CHD9: variants seen among roughly 807,000 people sequenced by gnomAD.
CHD9 encodes chromodomain helicase DNA binding protein 9, also known as ATP-dependent chromatin remodeler CHD9.
CHD9 carries 77 observed loss-of-function variants against 316.1 expected under a neutral mutation model. The observed-to-expected ratio is 0.24, with a 90% CI of 0.20 to 0.29. The LOEUF (loss-of-function observed/expected upper bound fraction) is 0.29. CHD9 is among the 10% of genes least tolerant of loss of function. The pLI is 1.00. For missense variants in CHD9, 2,763 were observed against 3,438.1 expected, an observed-to-expected ratio of 0.80 and a Z score of 4.91; for synonymous variants, 1,129 against 1,158.3, an observed-to-expected ratio of 0.97 and a Z score of 0.51.
chr16:53,136,555 CT>C (rs2039723790), intron 1 of CHD9, among the ~76,000 whole-genome samples: 1 of 127,246 alleles, frequency 7.9e-6, no homozygotes, highest in Non-Finnish European at 1.8e-5. Context: ...GTACCTTTTC[CT>C]AAAAAAAAAA....
intron 18 of CHD9, 50 bp downstream of exon 18, chr16:53,254,655 GA>G (rs1311234431): frequency 6.6e-7 from 1 of 1,515,100 alleles, no homozygotes; most frequent in South Asian, 1.3e-5. Flanking sequence ...TTTTGCATTT[GA>G]TTTTACCTCC....
chr16:53,243,382 C>T (rs1446101931), intron 13 of CHD9, among the ~76,000 whole-genome samples: 1 of 152,156 alleles, frequency 6.6e-6, no homozygotes, highest in Non-Finnish European at 1.5e-5. Context: ...GGTGCGGTCT[C>T]CACTCACTGC....
chr16:53,152,068 G>A (rs2041166784), intron 1 of CHD9, among the ~76,000 whole-genome samples: 1 of 152,048 alleles, frequency 6.6e-6, no homozygotes, highest in Non-Finnish European at 1.5e-5. Context: ...TTGATACTGT[G>A]ATGTGCTAAC....
At chr16:53,276,967 A>G (rs1423405297) in intron 24 of CHD9, among the ~76,000 whole-genome samples, 6 of 152,200 alleles carry the variant, frequency 3.9e-5, no homozygotes, top group African/African-American at 1.4e-4. Context: ...ATTCCAGGCT[A>G]CTATGAATAC....
intron 2 of CHD9, among the ~76,000 whole-genome samples, chr16:53,160,941 C>G (rs1426523228): frequency 6.6e-6 from 1 of 151,870 alleles, no homozygotes; most frequent in African/African-American, 2.4e-5. Context: ...TGTTCTCGAC[C>G]AGGTGCCATG....
At chr16:53,247,203 C>A (rs1298037902) in intron 15 of CHD9, 90 bp from the exon 16 acceptor site, 2 of 862,556 alleles carry the variant, frequency 2.3e-6, no homozygotes, top group African/African-American at 3.4e-5. Context: ...TACAGAAGCA[C>A]ACAGGAGCAC....
rs1017438641 is a variant in CHD9, at chr16:53,245,225, G to C, written c.3055-111G>C. 1.3e-5 allele frequency: 9 copies of C among 695,444 alleles called. No homozygotes were observed. The highest frequency in any genetic ancestry group is 1.1e-4 in the Admixed American group (3 of 28,108). The allele number at this position is 695,444 out of a possible 1,614,324, so 43.1% of individuals were successfully genotyped here. A position where few individuals can be genotyped will look rare whatever the true frequency, so the allele number is the denominator to read the frequency against. ...ACACACACACATAACATATATATAT[G>C]TATATATAGTCAGAAAAATATTTGC... On this transcript the variant is annotated intron_variant, in intron 13 of 38. Transcript: ENST00000447540. The surrounding 1 kb of genome is among the most constrained non-coding windows in gnomAD (Gnocchi z 4.1).
intron 4 of CHD9, among the ~76,000 whole-genome samples, chr16:53,223,206 T>A (rs2047385773): frequency 6.6e-6 from 1 of 151,734 alleles, no homozygotes; most frequent in African/African-American, 2.4e-5. Flanking sequence ...ACTGACTATA[T>A]TAAAAATCCC....
intron 5 of CHD9, among the ~76,000 whole-genome samples, chr16:53,226,992 AT>A (rs145797249): frequency 6.6e-6 from 1 of 152,094 alleles, no homozygotes; most frequent in Non-Finnish European, 1.5e-5. Flanking sequence ...CTCGTCTATG[AT>A]TTTTTAAGTC....
At chr16:53,107,527 A>T (rs1045117333) in intron 1 of CHD9, among the ~76,000 whole-genome samples, 4 of 150,900 alleles carry the variant, frequency 2.7e-5, no homozygotes, top group African/African-American at 7.3e-5. Flanking sequence ...AAATAAAATT[A>T]AAAAATTTAG....
chr16:53,298,897 A>C (rs1305355139), intron 30 of CHD9: 1 of 158,294 alleles, frequency 6.3e-6, no homozygotes, highest in East Asian at 1.9e-4. Context: ...AGAAGATATA[A>C]TTGTGGCAAA....
chr16:53,180,660 T>G (rs2043429460), intron 2 of CHD9, among the ~76,000 whole-genome samples: 1 of 151,920 alleles, frequency 6.6e-6, no homozygotes, highest in Non-Finnish European at 1.5e-5. Flanking sequence ...AGACATCTCT[T>G]TTTTTATTTT....
Position 53,245,877 on chromosome 16 carries a change from T to C in CHD9, c.3454+27T>C. 1.4e-6 allele frequency: 2 copies of C among 1,423,324 alleles called. No homozygotes were observed. The highest frequency in any genetic ancestry group is 1.9e-6 in the Non-Finnish European group (2 of 1,077,946). The allele number at this position is 1,423,324 out of a possible 1,614,324, so 88.2% of individuals were successfully genotyped here. A position where few individuals can be genotyped will look rare whatever the true frequency, so the allele number is the denominator to read the frequency against. On this transcript the variant is annotated intron_variant, in intron 15 of 38. Transcript: ENST00000447540. This position sits in a 1 kb window ranked among gnomAD's most constrained non-coding sequence, Gnocchi z 4.1. ...TAGCTAAAAAAGATTACAACAAATA[T>C]GTTTTTTCTTGCAACAAATACTAAT...
intron 2 of CHD9, among the ~76,000 whole-genome samples, chr16:53,195,356 C>T (rs1197648120): frequency 3.3e-5 from 5 of 152,128 alleles, no homozygotes; most frequent in Admixed American, 6.5e-5. Context: ...ATTGGGTATA[C>T]GAATATATTT....
intron 1 of CHD9, among the ~76,000 whole-genome samples, chr16:53,060,666 G>A (rs532466556): frequency 2.6e-5 from 4 of 151,960 alleles, no homozygotes; most frequent in Admixed American, 6.6e-5. Context: ...TGAGGTAAGC[G>A]AATCAATTGA....
At position 53,200,390 on chromosome 16, in the gene CHD9, A is replaced by C. The variant is rs8055011; in HGVS notation, c.1453-9092A>C. Among the ~76,000 whole-genome samples the C allele has an allele frequency of 2.8e-3, 402 of 143,436 alleles. 5 individuals carry two copies. The highest frequency in any genetic ancestry group is 0.01 in the African/African-American group (389 of 37,990). The allele number at this position is 143,436 out of a possible 152,430, so 94.1% of individuals were successfully genotyped here. Reference sequence around the variant, plus strand: ...TGTCTCAAAAAAAAAAAAAAAAAAAACCACAAAAATTAGCCAGGCATGGTG... The same window carrying C: ...TGTCTCAAAAAAAAAAAAAAAAAAACCCACAAAAATTAGCCAGGCATGGTG... On this transcript the variant is annotated intron_variant, in intron 2 of 38. Transcript: ENST00000447540.
At chr16:53,175,005 C>T (rs878934018) in intron 2 of CHD9, among the ~76,000 whole-genome samples, 4 of 152,090 alleles carry the variant, frequency 2.6e-5, no homozygotes, top group Admixed American at 6.6e-5. Flanking sequence ...TTTTTTAGCC[C>T]GGACCAGCGC....
At chr16:53,112,396 C>G (rs1013336563) in intron 1 of CHD9, among the ~76,000 whole-genome samples, 3 of 152,142 alleles carry the variant, frequency 2.0e-5, no homozygotes, top group African/African-American at 7.2e-5. Context: ...CAATGTTATT[C>G]CTGGACTTGG....
intron 2 of CHD9, among the ~76,000 whole-genome samples, chr16:53,160,884 G>A (rs2041859410): frequency 6.6e-6 from 1 of 152,140 alleles, no homozygotes; most frequent in Admixed American, 6.5e-5. Context: ...TCCAGCCTGG[G>A]CAACAGAGCA....
Sources: gnomAD v4.1 joint callset for allele counts (sites outside exome capture counted in the v4.1 genomes callset) on GRCh38, gnomAD v4.1.1 for gene constraint, Gnocchi (gnomAD v3.1) non-coding constraint, MANE v1.5 for transcripts, NCBI Gene and HGNC (gene_info 2026-07-23, HGNC 2026-07-21) for gene names.